The following AMOTL1 variants were observed in gnomAD, a reference collection of about 807,000 sequenced individuals.
The protein encoded by AMOTL1 is angiomotin like 1.
AMOTL1 carries 45 observed loss-of-function variants against 102.9 expected under a neutral mutation model. The observed-to-expected ratio is 0.44, with a 90% CI of 0.34 to 0.56. The LOEUF is 0.56. Ranked by LOEUF, AMOTL1 falls within the 20% of genes least tolerant of loss-of-function variation. The pLI, the probability that AMOTL1 is intolerant of heterozygous loss-of-function variation, is 0.01. For synonymous variants in AMOTL1, 481 were observed against 484.7 expected, an observed-to-expected ratio of 0.99 and a Z score of 0.10; for missense variants, 1,114 against 1,225.6, an observed-to-expected ratio of 0.91 and a Z score of 1.36.
At chr11:94,764,163 T>C (rs1202930169), upstream of AMOTL1, among the ~76,000 whole-genome samples, 1 of 152,184 alleles carries the variant, frequency 6.6e-6, no homozygotes, top group Non-Finnish European at 1.5e-5. Flanking sequence ...TAATGCTTTG[T>C]GTCTAATCTC....
chr11:94,711,873 T>C (rs1417541969), intron 1 of AMOTL1, among the ~76,000 whole-genome samples: 1 of 152,124 alleles, frequency 6.6e-6, no homozygotes, highest in East Asian at 1.9e-4. Context: ...TTTCTAATAT[T>C]TGGCTGTTAC....
rs547970325 is a variant in AMOTL1 at position 94,829,499 on chromosome 11, A to G, written c.1414-551A>G. Among the ~76,000 whole-genome samples the G allele has an allele frequency of 2.6e-5, 4 of 152,182 alleles. No homozygotes were observed. The South Asian group carries it at 8.3e-4, about 32-fold the overall frequency. On this transcript the variant is annotated intron_variant, in intron 4 of 12. Transcript: ENST00000433060. Reference sequence around the variant, plus strand: ...GCCTCCCAAAGTGCTGGGATTACAGACGTGAGCCACTGCACCATATAGATA... The same window carrying G: ...GCCTCCCAAAGTGCTGGGATTACAGGCGTGAGCCACTGCACCATATAGATA...
intron 6 of AMOTL1, 118 bp from the exon 7 acceptor site, chr11:94,849,996 A>G: frequency 1.6e-6 from 2 of 1,232,506 alleles, no homozygotes; most frequent in Non-Finnish European, 2.2e-6. Context: ...ACAGCAATTC[A>G]GTCCTCCATT....
At chr11:94,843,871 A>C (rs547429981) in intron 6 of AMOTL1, among the ~76,000 whole-genome samples, 1 of 152,300 alleles carries the variant, frequency 6.6e-6, no homozygotes, top group South Asian at 2.1e-4. Context: ...ATTCCAGGTT[A>C]GGAAGCATTG....
At chr11:94,818,917 C>T (rs1204439542) in intron 3 of AMOTL1, among the ~76,000 whole-genome samples, 1 of 152,212 alleles carries the variant, frequency 6.6e-6, no homozygotes, top group Non-Finnish European at 1.5e-5. Context: ...ATATAAACCA[C>T]TTTCATACCT....
intron 3 of AMOTL1, among the ~76,000 whole-genome samples, chr11:94,810,496 C>CAAAAAA (rs5793699): frequency 2.9e-4 from 38 of 133,322 alleles, no homozygotes; most frequent in Non-Finnish European, 3.8e-4. Flanking sequence ...TATTTTAGTC[C>CAAAAAA]AAAAAAAAAA....
Position 94,733,883 on chromosome 11 carries a change from AC to A in AMOTL1, c.85+4829del, listed in dbSNP as rs150990696. Among the ~76,000 whole-genome samples, 1,221 of 152,318 alleles carry A rather than the reference AC, an allele frequency of 8.0e-3. 10 individuals are homozygous for A. The highest frequency in any genetic ancestry group is 0.012 in the Non-Finnish European group (833 of 68,030). On this transcript the variant is annotated intron_variant, in intron 2 of 4. Coordinates refer to the AMOTL1 transcript ENST00000299004. ...TCTTTATTCTGACTCATGTCCAAGT[AC>A]ACCTTCTAGTAGCTTCTTGGCTCAG...
intron 4 of AMOTL1, among the ~76,000 whole-genome samples, chr11:94,823,655 G>A (rs1951910412): frequency 6.6e-6 from 1 of 151,890 alleles, no homozygotes; most frequent in Non-Finnish European, 1.5e-5. Context: ...TTTCTGAAGA[G>A]TTACACAAAT....
At position 94,831,541 on chromosome 11, in the gene AMOTL1, A is replaced by G. The variant is rs1352372161; in HGVS notation, c.1648A>G (p.Asn550Asp). 2 of 1,612,562 alleles carry G rather than the reference A, an allele frequency of 1.2e-6. No homozygotes were observed. Among genetic ancestry groups the G allele is most frequent in the Admixed American group, 1.7e-5 (1 of 59,846 alleles). Reference sequence around the variant, plus strand: ...TGCAGAGGGGCATTATGCTTCCCAGAGTGAGTCTCCACTTATTTATTATCC... The same window carrying G: ...TGCAGAGGGGCATTATGCTTCCCAGGGTGAGTCTCCACTTATTTATTATCC... Reference protein sequence around the residue: ...KAAEGHYASQNKEFLKEKEKL... With the variant: ...KAAEGHYASQDKEFLKEKEKL... Residue 550 changes from asparagine (N) to aspartate (D), a missense_variant and splice_region_variant, in exon 6 of 13, where the codon AAC (asparagine) becomes GAC (aspartate). By Grantham distance (23) the Asn-to-Asp change is conservative (BLOSUM62 1). Coordinates refer to ENST00000433060, the MANE Select transcript of AMOTL1 (RefSeq NM_130847.3).
chr11:94,816,831 T>G (rs1415472866), intron 3 of AMOTL1, among the ~76,000 whole-genome samples: 2 of 152,088 alleles, frequency 1.3e-5, no homozygotes, highest in Admixed American at 1.3e-4. Flanking sequence ...GGGCCAGAAA[T>G]TAAAACTATC....
In AMOTL1 at chr11:94,821,678, G is replaced by A. The variant is rs754698150; in HGVS notation, c.1270G>A (p.Ala424Thr). Reference protein sequence around the residue: ...ALGAPQPPPAASPSQQLGPDA... With the variant: ...ALGAPQPPPATSPSQQLGPDA... ...GGGTGCTCCACAGCCCCCGCCTGCC[G>A]CCTCCCCCAGCCAGCAGCTTGGTCC... The change falls in exon 4 of 13, where the codon GCC becomes ACC. Residue 424 changes from alanine to threonine, a missense_variant. By Grantham distance (58) the Ala-to-Thr change is moderately conservative. Transcript: ENST00000433060. 17 of 1,613,806 alleles carry A rather than the reference G, an allele frequency of 1.1e-5. No homozygotes were observed. Among genetic ancestry groups the A allele is most frequent in the Middle Eastern group, 1.6e-4 (1 of 6,084 alleles).
chr11:94,850,364 A>G (rs2135709748), intron 7 of AMOTL1, 105 bp downstream of exon 7: 2 of 1,389,102 alleles, frequency 1.4e-6, no homozygotes, highest in East Asian at 5.1e-5. Flanking sequence ...GCCAATTCCA[A>G]GGAGTTGAGA....
chr11:94,830,464 C>T (rs1238897259), intron 5 of AMOTL1, among the ~76,000 whole-genome samples: 1 of 152,200 alleles, frequency 6.6e-6, no homozygotes, highest in African/African-American at 2.4e-5. Flanking sequence ...CTGTTTGCGG[C>T]TCCTTCTTGC....
Position 94,838,870 on chromosome 11 carries a change from G to GCTAA in AMOTL1, c.1648+7330_1648+7333dup, listed in dbSNP as rs1952236388. 3.3e-5 allele frequency among the ~76,000 whole-genome samples: 5 copies of GCTAA among 152,056 alleles called. No homozygotes were observed. In the South Asian group the frequency reaches 1.0e-3, roughly 32 times the overall value. On this transcript the variant is annotated intron_variant, in intron 6 of 12. Transcript: ENST00000433060. Reference sequence around the variant, plus strand: ...GTTTCCCAGTGAGGATTCACAATTAGCTAATGATGGAGAAAGGTCTGGGCA... The same window carrying GCTAA: ...GTTTCCCAGTGAGGATTCACAATTAGCTAACTAATGATGGAGAAAGGTCTGGGCA...
At chr11:94,798,468 CAG>C (rs1951408359) in intron 2 of AMOTL1, among the ~76,000 whole-genome samples, 1 of 152,066 alleles carries the variant, frequency 6.6e-6, no homozygotes, top group Admixed American at 6.5e-5. Context: ...TCTGGCTTGA[CAG>C]AAAGTAGATG....
intron 3 of AMOTL1, among the ~76,000 whole-genome samples, chr11:94,803,686 T>A (rs1014455831): frequency 6.6e-6 from 1 of 152,240 alleles, no homozygotes; most frequent in East Asian, 1.9e-4. Flanking sequence ...ACTTGGCTTA[T>A]GCAATCTGCA....
At chr11:94,793,795 C>T (rs922797355) in intron 1 of AMOTL1, among the ~76,000 whole-genome samples, 8 of 152,194 alleles carry the variant, frequency 5.3e-5, no homozygotes, top group African/African-American at 1.4e-4. Context: ...TAGTATCATC[C>T]GTACTCGGTT....
chr11:94,840,681 T>TATATATATATATATATATAC (rs1166713705), intron 6 of AMOTL1, among the ~76,000 whole-genome samples: 8 of 104,784 alleles, frequency 7.6e-5, no homozygotes, highest in South Asian at 3.4e-4. Context: ...TATATATATA[T>TATATATATATATATATATAC]ACACACACAC....
chr11:94,787,687 C>CAAAAAAAAAAAAAAAA (rs59563004), intron 1 of AMOTL1, among the ~76,000 whole-genome samples: 2 of 57,528 alleles, frequency 3.5e-5, no homozygotes, highest in African/African-American at 8.1e-5. Flanking sequence ...AACTCCGTCT[C>CAAAAAAAAAAAAAAAA]AAAAAAAAAA....
Sources: gnomAD v4.1 joint callset for allele counts (sites outside exome capture counted in the v4.1 genomes callset) on GRCh38, gnomAD v4.1.1 for gene constraint, MANE v1.5 for transcripts, NCBI Gene and HGNC (gene_info 2026-07-23, HGNC 2026-07-21) for gene names.